Variants in ARRB1 observed in about 807,000 individuals in gnomAD.
ARRB1 encodes the protein arrestin beta 1.
ARRB1 carries 21 observed loss-of-function variants against 56.8 expected under a neutral mutation model. The observed-to-expected ratio is 0.37, with a 90% CI of 0.26 to 0.53. The LOEUF (loss-of-function observed/expected upper bound fraction) is 0.53. ARRB1 is among the 20% of genes least tolerant of loss of function. The probability of loss-of-function intolerance (pLI) is 0.88; values close to 1 mark genes in which losing one functional copy is unlikely to be tolerated. For missense variants in ARRB1, 424 were observed against 553.7 expected, an observed-to-expected ratio of 0.77 and a Z score of 2.35; for synonymous variants, 210 against 218.6, an observed-to-expected ratio of 0.96 and a Z score of 0.35.
rs760339495 is a variant in ARRB1, at chr11:75,283,495, G to A, written c.158-12C>T. ...CAGCGTCACATAGACTGTGGGGAGC[G>A]AGGAGCACTGAGGAGGGGCCTGGGA... On this transcript the variant is annotated splice_polypyrimidine_tract_variant and intron_variant, in intron 4 of 15. Coordinates refer to ENST00000420843, the MANE Select transcript of ARRB1 (RefSeq NM_004041.5). 6 of 1,587,392 alleles carry A rather than the reference G, an allele frequency of 3.8e-6. No homozygotes were observed. Among genetic ancestry groups the A allele is most frequent in the South Asian group, 1.1e-5 (1 of 88,176 alleles).
At chr11:75,274,436 T>G in intron 10 of ARRB1, 2 of 544,616 alleles carry the variant, frequency 3.7e-6, no homozygotes, top group Non-Finnish European at 6.6e-6. Flanking sequence ...GGACTGAATC[T>G]CGGATATTCT....
chr11:75,281,956 A>C lies in ARRB1; in HGVS notation c.414+6T>G. The C allele has an allele frequency of 6.2e-7, 1 of 1,613,926 alleles. No individual in the cohort carries two copies. Among genetic ancestry groups the C allele is most frequent in the Non-Finnish European group, 8.5e-7 (1 of 1,179,848 alleles). On this transcript the variant is annotated splice_donor_region_variant and intron_variant, in intron 6 of 15. Coordinates refer to ENST00000420843, the MANE Select transcript of ARRB1 (RefSeq NM_004041.5). ...CCAGAGAGATGGTCCCCTTGGGGTG[A>C]CCTACCTTCCCCGTGTCTTCGGGCC...
intron 1 of ARRB1, among the ~76,000 whole-genome samples, chr11:75,304,021 G>A (rs989132622): frequency 6.6e-5 from 10 of 152,160 alleles, no homozygotes; most frequent in African/African-American, 2.4e-4. Context: ...GCCAAGAAGC[G>A]GCAGCCTTGC....
chr11:75,292,185 G>T (rs1011151390), intron 1 of ARRB1, among the ~76,000 whole-genome samples: 1 of 152,002 alleles, frequency 6.6e-6, no homozygotes, highest in Admixed American at 6.5e-5. Flanking sequence ...TGTTGCCCAG[G>T]CTGGAGTGCA....
At chr11:75,334,904 G>A (rs1160516328) in intron 1 of ARRB1, among the ~76,000 whole-genome samples, 1 of 151,178 alleles carries the variant, frequency 6.6e-6, no homozygotes, top group Non-Finnish European at 1.5e-5. Context: ...GGGCTTGGGC[G>A]CCTAAAGCTT....
At chr11:75,327,592 T>G (rs1163363560) in intron 1 of ARRB1, among the ~76,000 whole-genome samples, 32 of 91,108 alleles carry the variant, frequency 3.5e-4, no homozygotes, top group African/African-American at 1.3e-3. Context: ...TTTTGTTTTT[T>G]GTTTTTGTTT....
chr11:75,267,173 C>G (rs979550589), intron 15 of ARRB1, among the ~76,000 whole-genome samples: 29 of 152,214 alleles, frequency 1.9e-4, no homozygotes, highest in Non-Finnish European at 4.1e-4. Flanking sequence ...GCAGTCGGCC[C>G]AGGTCCTCCC....
chr11:75,345,697 T>C (rs1487561132), intron 1 of ARRB1, among the ~76,000 whole-genome samples: 2 of 152,170 alleles, frequency 1.3e-5, no homozygotes, highest in Non-Finnish European at 2.9e-5. Flanking sequence ...TATAACCCTG[T>C]CCCTCAGGAC....
chr11:75,289,923 G>A (rs1331170514), intron 2 of ARRB1, 86 bp downstream of exon 2: 1 of 1,584,910 alleles, frequency 6.3e-7, no homozygotes, highest in Non-Finnish European at 8.7e-7. Context: ...GCATTTCAGG[G>A]GACATGCCGT....
chr11:75,332,720 C>A (rs540939798), intron 1 of ARRB1, among the ~76,000 whole-genome samples: 2 of 152,246 alleles, frequency 1.3e-5, no homozygotes, highest in East Asian at 3.9e-4. Flanking sequence ...TATGGTGAAA[C>A]CCCGTCTCAA....
At chr11:75,346,982 C>T (rs1360525601) in intron 1 of ARRB1, among the ~76,000 whole-genome samples, 1 of 152,250 alleles carries the variant, frequency 6.6e-6, no homozygotes, top group Non-Finnish European at 1.5e-5. Context: ...CGCGGGCACT[C>T]TGGCAGTAGC....
chr11:75,334,636 C>G (rs151184086), intron 1 of ARRB1, among the ~76,000 whole-genome samples: 2 of 152,230 alleles, frequency 1.3e-5, no homozygotes, highest in Non-Finnish European at 2.9e-5. Context: ...CCAGGAAGGT[C>G]TTATCTCCAT....
intron 1 of ARRB1, among the ~76,000 whole-genome samples, chr11:75,344,837 G>A (rs1947741897): frequency 6.6e-6 from 1 of 152,188 alleles, no homozygotes; most frequent in Non-Finnish European, 1.5e-5. Flanking sequence ...CAAGGCTGAG[G>A]GAAGGGTGTG....
chr11:75,305,577 CT>C (rs1947009776), intron 1 of ARRB1, among the ~76,000 whole-genome samples: 1 of 152,132 alleles, frequency 6.6e-6, no homozygotes, highest in East Asian at 1.9e-4. Context: ...CCCCACCCTT[CT>C]TTTTTTCTGG....
chr11:75,274,497 A>G, intron 10 of ARRB1: 1 of 321,292 alleles, frequency 3.1e-6, no homozygotes, highest in Non-Finnish European at 5.8e-6. Flanking sequence ...CATTTATTTA[A>G]AGAATTACAG....
At position 75,274,419 on chromosome 11, in the gene ARRB1, A is replaced by G. The variant is rs1356929589; in HGVS notation, c.777-208T>C. The G allele has an allele frequency of 6.9e-6, 4 of 578,878 alleles. No individual in the cohort carries two copies. In the East Asian group the frequency reaches 1.1e-4, roughly 16 times the overall value. 35.9% of individuals were successfully genotyped at this position (578,878 alleles called of 1,614,324 possible). A position where few individuals can be genotyped will look rare whatever the true frequency, so the allele number is the denominator to read the frequency against. On this transcript the variant is annotated intron_variant, in intron 10 of 15. Transcript: ENST00000420843. Reference sequence around the variant, plus strand: ...AAAGAGGCACATCTACATTCTACGCACAAACAGGACTGAATCTCGGATATT... The same window carrying G: ...AAAGAGGCACATCTACATTCTACGCGCAAACAGGACTGAATCTCGGATATT...
intron 8 of ARRB1, 85 bp downstream of exon 8, chr11:75,278,524 C>G: frequency 8.9e-6 from 14 of 1,578,288 alleles, no homozygotes; most frequent in Non-Finnish European, 1.2e-5. Flanking sequence ...CCTGAGGCAT[C>G]CTTGCAGGCC....
chr11:75,351,629 G>C lies in ARRB1; in HGVS notation c.-22C>G. ...CCATGGTCCGCGACGGTCGCAGGGA[G>C]GTCCGCGGCGTCAGCGCCCAGGCTG... On this transcript the variant is annotated 5_prime_UTR_variant, in exon 1 of 16. Transcript: ENST00000420843. The C allele has an allele frequency of 7.2e-7, 1 of 1,381,934 alleles. No homozygotes were observed. Among genetic ancestry groups the C allele is most frequent in the Non-Finnish European group, 9.4e-7 (1 of 1,064,954 alleles). The allele number at this position is 1,381,934 out of a possible 1,614,324, so 85.6% of individuals were successfully genotyped here.
intron 1 of ARRB1, among the ~76,000 whole-genome samples, chr11:75,331,797 T>G (rs1947525257): frequency 6.6e-6 from 1 of 152,030 alleles, no homozygotes; most frequent in Non-Finnish European, 1.5e-5. Context: ...CGAGTGAAAC[T>G]CATCAGTTGG....
Sources: allele counts gnomAD v4.1 joint callset (sites outside exome capture counted in the v4.1 genomes callset), GRCh38; gene constraint gnomAD v4.1.1; transcripts MANE v1.5; gene names NCBI Gene and HGNC (gene_info 2026-07-23, HGNC 2026-07-21).